The following COL15A1 variants were observed in gnomAD, a reference collection of about 807,000 sequenced individuals.
COL15A1 encodes collagen type XV alpha 1 chain.
COL15A1 carries 111 observed loss-of-function variants against 165.9 expected under a neutral mutation model. The observed-to-expected ratio is 0.67, with a 90% CI of 0.57 to 0.78. The LOEUF (loss-of-function observed/expected upper bound fraction) is 0.78. Ranked by LOEUF, COL15A1 falls within the 30% of genes least tolerant of loss-of-function variation. The pLI is 0.00. For synonymous variants in COL15A1, 659 were observed against 674.8 expected, an observed-to-expected ratio of 0.98 and a Z score of 0.36; for missense variants, 1,745 against 1,789.7, an observed-to-expected ratio of 0.98 and a Z score of 0.45.
chr9:98,991,065 G>A (rs1413842736), intron 5 of COL15A1, among the ~76,000 whole-genome samples: 1 of 152,140 alleles, frequency 6.6e-6, no homozygotes, highest in Non-Finnish European at 1.5e-5. Flanking sequence ...TGGGTTCATG[G>A]TCTTGCTGGC....
At chr9:98,977,263 A>G (rs1488317114) in intron 2 of COL15A1, among the ~76,000 whole-genome samples, 2 of 152,210 alleles carry the variant, frequency 1.3e-5, no homozygotes, top group East Asian at 3.8e-4. Context: ...GCCAGTCCCC[A>G]GTCCCCTCCA....
rs79459385 is a variant in COL15A1 at position 99,023,616 on chromosome 9, T to C, written c.1854+167T>C. 2.2e-4 allele frequency among the ~76,000 whole-genome samples: 33 copies of C among 152,326 alleles called. No homozygotes were observed. In the East Asian group the frequency reaches 6.0e-3, roughly 28 times the overall value. On this transcript the variant is annotated intron_variant, in intron 14 of 41. Coordinates refer to ENST00000375001, the MANE Select transcript of COL15A1 (RefSeq NM_001855.5). ...CTACTTTTCCTTGTGCTTGTATATATGTTTGAAATTGTTCACTTTGATCAG... is the reference window on the plus strand; with the variant it reads ...CTACTTTTCCTTGTGCTTGTATATACGTTTGAAATTGTTCACTTTGATCAG...
intron 2 of COL15A1, among the ~76,000 whole-genome samples, chr9:98,957,123 T>C (rs533290977): frequency 6.6e-6 from 1 of 152,274 alleles, no homozygotes; most frequent in South Asian, 2.1e-4. Context: ...ATGAGGGAGA[T>C]TGTCTCCGAT....
At chr9:99,014,012 A>T (rs965399391) in intron 9 of COL15A1, among the ~76,000 whole-genome samples, 48 of 152,256 alleles carry the variant, frequency 3.2e-4, no homozygotes, top group African/African-American at 1.2e-3. Context: ...GAGAAATTTT[A>T]GCCAATTCAG....
intron 14 of COL15A1, among the ~76,000 whole-genome samples, chr9:99,024,285 G>GTTTTTT (rs1016769818): frequency 1.5e-5 from 2 of 129,478 alleles, no homozygotes; most frequent in African/African-American, 6.0e-5. Context: ...TTGTTTTTTT[G>GTTTTTT]TTTTTTTTTT....
intron 2 of COL15A1, among the ~76,000 whole-genome samples, chr9:98,962,471 G>A (rs769729018): frequency 1.1e-4 from 16 of 152,236 alleles, no homozygotes; most frequent in Non-Finnish European, 2.2e-4. Context: ...AATTTGTGGT[G>A]AGGAGACCAG....
rs755098998 is a variant in COL15A1 at position 98,987,337 on chromosome 9, C to A, written c.692C>A (p.Pro231His). 8.1e-6 allele frequency: 13 copies of A among 1,613,382 alleles called. No homozygotes were observed. The highest frequency in any genetic ancestry group is 1.0e-5 in the Non-Finnish European group (12 of 1,179,774). The change falls in exon 4 of 42, where the codon CCC becomes CAC. Residue 231 changes from proline (P) to histidine (H), a missense_variant. Transcript: ENST00000375001. ...ACCGTGCACCCCGACCCCAGGACTC[C>A]CGAGGAGCTGTGTGACCCTGAAGAG... ...QLTVHPDPRT[P>H]EELCDPEESS...
chr9:98,990,817 T>C (rs939617247), intron 5 of COL15A1, among the ~76,000 whole-genome samples: 2 of 152,178 alleles, frequency 1.3e-5, no homozygotes, highest in African/African-American at 4.8e-5. Context: ...TGTCTGGAAT[T>C]GGTGGGTTCT....
intron 11 of COL15A1, among the ~76,000 whole-genome samples, chr9:99,017,910 C>A (rs759289818): frequency 1.3e-5 from 2 of 152,218 alleles, no homozygotes; most frequent in African/African-American, 4.8e-5. Context: ...ACATACCCAT[C>A]GTTCAGTTTG....
intron 2 of COL15A1, among the ~76,000 whole-genome samples, chr9:98,948,107 C>T: frequency 6.6e-6 from 1 of 152,068 alleles, no homozygotes; most frequent in Non-Finnish European, 1.5e-5. Context: ...TTCAACAAAC[C>T]CATTCTGTGC....
intron 13 of COL15A1, among the ~76,000 whole-genome samples, chr9:99,022,850 C>T (rs554691827): frequency 6.6e-6 from 1 of 152,206 alleles, no homozygotes; most frequent in Non-Finnish European, 1.5e-5. Context: ...CAAGTATGCA[C>T]TGAGGGCTCT....
intron 3 of COL15A1, among the ~76,000 whole-genome samples, chr9:98,987,027 G>T (rs750197952): frequency 2.0e-5 from 3 of 152,130 alleles, no homozygotes; most frequent in Non-Finnish European, 4.4e-5. Context: ...GAGACAGGAG[G>T]CTGCTGTGGT....
intron 21 of COL15A1, among the ~76,000 whole-genome samples, chr9:99,038,111 GA>G (rs1207062703): frequency 2.6e-4 from 39 of 147,898 alleles, no homozygotes; most frequent in East Asian, 2.6e-3. Context: ...AAAGTTAGAA[GA>G]AAAAAAAAAC....
intron 40 of COL15A1, 137 bp downstream of exon 40, chr9:99,067,204 G>A (rs1488541150): frequency 2.7e-6 from 2 of 747,516 alleles, no homozygotes; most frequent in Non-Finnish European, 2.1e-6. Context: ...TGTCACTTTG[G>A]GTGGGTTCTT....
At chr9:99,032,396 G>A (rs1033874981) in intron 16 of COL15A1, among the ~76,000 whole-genome samples, 2 of 151,976 alleles carry the variant, frequency 1.3e-5, no homozygotes, top group African/African-American at 4.8e-5. Context: ...CACCATGTTG[G>A]CCAGGCTGGT....
At chr9:99,020,559 G>A in intron 12 of COL15A1, 117 bp downstream of exon 12, 1 of 713,692 alleles carries the variant, frequency 1.4e-6, no homozygotes, top group Admixed American at 2.3e-5. Flanking sequence ...CAGCAAGAGG[G>A]CTAAGCCCAA....
intron 2 of COL15A1, among the ~76,000 whole-genome samples, chr9:98,973,634 G>T (rs936461776): frequency 6.6e-6 from 1 of 152,234 alleles, no homozygotes; most frequent in Non-Finnish European, 1.5e-5. Flanking sequence ...TCCAGCCTGG[G>T]TGGGGCTGAG....
Position 99,022,073 on chromosome 9 carries a change from C to T in COL15A1, c.1702-18C>T. ...GAACAGAGTTCCAGCCGTTCACTGACCATTTTGTTCTCTTTAGGGTGATGC... is the reference window on the plus strand; with the variant it reads ...GAACAGAGTTCCAGCCGTTCACTGATCATTTTGTTCTCTTTAGGGTGATGC... On this transcript the variant is annotated intron_variant, in intron 12 of 41. Transcript: ENST00000375001. 6.2e-7 allele frequency: 1 copy of T among 1,613,852 alleles called. No homozygotes were observed. The highest frequency in any genetic ancestry group is 8.5e-7 in the Non-Finnish European group (1 of 1,179,744).
chr9:99,039,634 G>T (rs979815593), intron 22 of COL15A1, among the ~76,000 whole-genome samples: 3 of 152,202 alleles, frequency 2.0e-5, no homozygotes, highest in Non-Finnish European at 4.4e-5. Flanking sequence ...AATACTCATT[G>T]CATCTCCCAG....
Sources: allele counts gnomAD v4.1 joint callset (sites outside exome capture counted in the v4.1 genomes callset), GRCh38; gene constraint gnomAD v4.1.1; transcripts MANE v1.5; gene names NCBI Gene and HGNC (gene_info 2026-07-23, HGNC 2026-07-21).